SLC24A4: variants seen among roughly 807,000 people sequenced by gnomAD.
SLC24A4 encodes the protein solute carrier family 24 member 4.
Under a neutral mutation model 79.0 loss-of-function variants are expected in SLC24A4, and 53 were observed. The ratio of observed to expected loss-of-function variants is 0.67; its 90% CI spans 0.54 to 0.84. The LOEUF (loss-of-function observed/expected upper bound fraction) is 0.84, where lower values mean the gene tolerates loss of function less well. SLC24A4 is among the 40% of genes least tolerant of loss of function. The pLI, the probability that SLC24A4 is intolerant of heterozygous loss-of-function variation, is 0.00. For synonymous variants in SLC24A4, 323 were observed against 323.8 expected, an observed-to-expected ratio of 1.00 and a Z score of 0.03; for missense variants, 731 against 822.0, an observed-to-expected ratio of 0.89 and a Z score of 1.35.
intron 2 of SLC24A4, among the ~76,000 whole-genome samples, chr14:92,329,669 A>C (rs1449363273): frequency 1.3e-5 from 2 of 151,972 alleles, no homozygotes; most frequent in Non-Finnish European, 2.9e-5. Context: ...ACCACAGGCT[A>C]TTTTTTTCTA....
At chr14:92,350,799 C>T (rs922706094) in intron 2 of SLC24A4, among the ~76,000 whole-genome samples, 3 of 152,208 alleles carry the variant, frequency 2.0e-5, no homozygotes, top group African/African-American at 7.2e-5. Context: ...GGACTGAATG[C>T]TTGTGTTCCC....
At chr14:92,361,281 C>G (rs1312980053) in intron 2 of SLC24A4, among the ~76,000 whole-genome samples, 2 of 71,446 alleles carry the variant, frequency 2.8e-5, no homozygotes, top group Non-Finnish European at 6.1e-5. Context: ...TAGCTAACAA[C>G]TATTTTTTTT....
chr14:92,365,806 T>C (rs531829813), intron 2 of SLC24A4, among the ~76,000 whole-genome samples: 13 of 152,342 alleles, frequency 8.5e-5, no homozygotes, highest in Admixed American at 5.9e-4. Flanking sequence ...TTGAGAAGAC[T>C]GAGGCAGAGA....
intron 13 of SLC24A4, 73 bp downstream of exon 13, chr14:92,482,919 C>A: frequency 6.8e-7 from 1 of 1,467,158 alleles, no homozygotes; most frequent in Non-Finnish European, 9.2e-7. Context: ...CAAGGCTAAC[C>A]ACAGGTACTG....
chr14:92,383,085 C>T (rs941432991), intron 2 of SLC24A4, among the ~76,000 whole-genome samples: 4 of 152,180 alleles, frequency 2.6e-5, no homozygotes, highest in Non-Finnish European at 5.9e-5. Flanking sequence ...GCTGCCTGCT[C>T]GCTTGACTCC....
At chr14:92,328,915 A>G (rs1164954635) in intron 2 of SLC24A4, among the ~76,000 whole-genome samples, 2 of 152,136 alleles carry the variant, frequency 1.3e-5, no homozygotes, top group Non-Finnish European at 2.9e-5. Flanking sequence ...GAGAGCAAAC[A>G]CTCAATTCTT....
chr14:92,439,537 TA>T, intron 4 of SLC24A4, 128 bp downstream of exon 4: 1 of 847,462 alleles, frequency 1.2e-6, no homozygotes, highest in Non-Finnish European at 2.0e-6. Context: ...ACCGAGCACT[TA>T]GTGTCTGCCC....
chr14:92,329,215 C>G (rs1326890533), intron 2 of SLC24A4, among the ~76,000 whole-genome samples: 2 of 152,388 alleles, frequency 1.3e-5, no homozygotes, highest in Admixed American at 1.3e-4. Flanking sequence ...CCCTCCTGTG[C>G]TAAGGCACCA....
chr14:92,441,939 G>C lies in SLC24A4; in HGVS notation c.394-150G>C. 1 of 551,992 alleles carries C rather than the reference G, an allele frequency of 1.8e-6. No homozygotes were observed. Among genetic ancestry groups the C allele is most frequent in the Non-Finnish European group, 3.3e-6 (1 of 305,902 alleles). The allele number at this position is 551,992 out of a possible 1,614,324, so 34.2% of individuals were successfully genotyped here. A position where few individuals can be genotyped will look rare whatever the true frequency, so the allele number is the denominator to read the frequency against. Reference sequence around the variant, plus strand: ...GAGGGCAGATGGCAGAGGGCACACAGCATGTGCCCAGGGGTGAGAGGCTGC... The same window carrying C: ...GAGGGCAGATGGCAGAGGGCACACACCATGTGCCCAGGGGTGAGAGGCTGC... On this transcript the variant is annotated intron_variant, in intron 4 of 16. Coordinates refer to ENST00000532405, the MANE Select transcript of SLC24A4 (RefSeq NM_153646.4). This position sits in a 1 kb window ranked among gnomAD's most constrained non-coding sequence, Gnocchi z 4.6.
chr14:92,398,030 C>T lies in SLC24A4; in HGVS notation c.242-35882C>T, dbSNP rs1045989324. Among the ~76,000 whole-genome samples, 20 of 152,190 alleles carry T rather than the reference C, an allele frequency of 1.3e-4. No homozygotes were observed. The highest frequency in any genetic ancestry group is 5.2e-4 in the Admixed American group (8 of 15,276). On this transcript the variant is annotated intron_variant, in intron 2 of 16. Transcript: ENST00000532405. This position sits in a 1 kb window ranked among gnomAD's most constrained non-coding sequence, Gnocchi z 4.1. Reference sequence around the variant, plus strand: ...AGACTCTCCCCTATGCCAGGCCCTGCGCACATGTGACCTTCTCTGTCATAG... The same window carrying T: ...AGACTCTCCCCTATGCCAGGCCCTGTGCACATGTGACCTTCTCTGTCATAG...
At chr14:92,345,281 T>C (rs1270567962) in intron 2 of SLC24A4, among the ~76,000 whole-genome samples, 2 of 152,226 alleles carry the variant, frequency 1.3e-5, no homozygotes, top group Non-Finnish European at 2.9e-5. Flanking sequence ...CTGGCTTTGC[T>C]GCTTACTGGC....
chr14:92,364,959 T>A (rs1205627851), intron 2 of SLC24A4, among the ~76,000 whole-genome samples: 2 of 152,214 alleles, frequency 1.3e-5, no homozygotes, highest in African/African-American at 4.8e-5. Context: ...CCCTTCCTCC[T>A]GCCTTGCCCC....
At chr14:92,481,573 A>C (rs1210756131) in intron 12 of SLC24A4, among the ~76,000 whole-genome samples, 1 of 152,194 alleles carries the variant, frequency 6.6e-6, no homozygotes, top group Non-Finnish European at 1.5e-5. Flanking sequence ...TGTGGCTGCT[A>C]GCCTGCTGTT....
intron 2 of SLC24A4, among the ~76,000 whole-genome samples, chr14:92,367,121 A>G (rs1045669206): frequency 1.3e-5 from 2 of 152,224 alleles, no homozygotes; most frequent in African/African-American, 4.8e-5. Context: ...CTTCTGGTGC[A>G]GCAGGCAGAC....
At chr14:92,421,407 T>A (rs1003716662) in intron 2 of SLC24A4, among the ~76,000 whole-genome samples, 14 of 152,320 alleles carry the variant, frequency 9.2e-5, no homozygotes, top group African/African-American at 2.9e-4. Context: ...TGGTTCTGAT[T>A]TCTGTCACTG....
intron 16 of SLC24A4, chr14:92,492,959 AACACACACAC>A (rs551206469): frequency 0.075 from 22,461 of 298,184 alleles, 1,214 homozygotes; most frequent in African/African-American, 0.14. Flanking sequence ...CTCTACCCCA[AACACACACAC>A]ACACACACAC....
intron 2 of SLC24A4, among the ~76,000 whole-genome samples, chr14:92,358,459 TG>T (rs1414283818): frequency 6.6e-6 from 1 of 152,126 alleles, no homozygotes; most frequent in Non-Finnish European, 1.5e-5. Flanking sequence ...GCAGGGCTAC[TG>T]GGTGATGACC....
At chr14:92,347,114 C>T (rs939479444) in intron 2 of SLC24A4, among the ~76,000 whole-genome samples, 1 of 152,156 alleles carries the variant, frequency 6.6e-6, no homozygotes, top group Admixed American at 6.5e-5. Flanking sequence ...ACTCTATATT[C>T]TTATTTTAAA....
At chr14:92,428,168 G>A (rs528080805) in intron 2 of SLC24A4, among the ~76,000 whole-genome samples, 2 of 152,254 alleles carry the variant, frequency 1.3e-5, no homozygotes, top group African/African-American at 4.8e-5. Flanking sequence ...AACATCCTGT[G>A]CAGGAATAAG....
Sources: gnomAD v4.1 joint callset for allele counts (sites outside exome capture counted in the v4.1 genomes callset) on GRCh38, gnomAD v4.1.1 for gene constraint, Gnocchi (gnomAD v3.1) non-coding constraint, MANE v1.5 for transcripts, NCBI Gene and HGNC (gene_info 2026-07-23, HGNC 2026-07-21) for gene names.